The following NEBL variants were observed in gnomAD, a reference collection of about 807,000 sequenced individuals.
NEBL encodes the protein LIM and SH3 protein 2.
NEBL carries 122 observed loss-of-function variants against 140.2 expected under a neutral mutation model. The observed-to-expected ratio is 0.87, with a 90% confidence interval of 0.75 to 1.01. The LOEUF is 1.01. Ranked by LOEUF, NEBL falls within the 50% of genes least tolerant of loss-of-function variation. The pLI, the probability that NEBL is intolerant of heterozygous loss-of-function variation, is 0.00. For missense variants in NEBL, 1,365 were observed against 1,231.3 expected, an observed-to-expected ratio of 1.11 and a Z score of -1.62; for synonymous variants, 436 against 398.9, an observed-to-expected ratio of 1.09 and a Z score of -1.11.
At chr10:21,168,717 C>T (rs533698314) in intron 2 of NEBL, among the ~76,000 whole-genome samples, 5 of 152,016 alleles carry the variant, frequency 3.3e-5, no homozygotes, top group East Asian at 3.9e-4. Context: ...TGAAATGTCA[C>T]GATGTATGAA....
At chr10:20,915,084 T>A (rs953445213) in intron 4 of NEBL, among the ~76,000 whole-genome samples, 18 of 150,090 alleles carry the variant, frequency 1.2e-4, no homozygotes, top group African/African-American at 4.4e-4. Context: ...ATTACAGACA[T>A]AAGCCACCAT....
At chr10:21,263,570 G>T (rs949174399) in intron 1 of NEBL, among the ~76,000 whole-genome samples, 4 of 152,198 alleles carry the variant, frequency 2.6e-5, no homozygotes, top group Non-Finnish European at 5.9e-5. Flanking sequence ...CTCCCCGGGG[G>T]TTAGTTTTGG....
At chr10:21,163,392 T>G (rs138867670) in intron 2 of NEBL, among the ~76,000 whole-genome samples, 1 of 152,288 alleles carries the variant, frequency 6.6e-6, no homozygotes, top group East Asian at 1.9e-4. Context: ...CCATCAAAAA[T>G]ACATCTACTT....
intron 2 of NEBL, among the ~76,000 whole-genome samples, chr10:21,097,245 G>A (rs1837236005): frequency 6.7e-6 from 1 of 149,006 alleles, no homozygotes; most frequent in South Asian, 2.1e-4. Flanking sequence ...CAGATCACAA[G>A]GTCAGGGGTT....
At chr10:20,804,027 A>T (rs1327796806) in intron 26 of NEBL, among the ~76,000 whole-genome samples, 1 of 151,878 alleles carries the variant, frequency 6.6e-6, no homozygotes, top group Non-Finnish European at 1.5e-5. Flanking sequence ...TAAAATATTC[A>T]TTTGGCCATT....
chr10:20,928,642 T>C (rs1834027273), intron 4 of NEBL, among the ~76,000 whole-genome samples: 1 of 152,212 alleles, frequency 6.6e-6, no homozygotes, highest in Non-Finnish European at 1.5e-5. Context: ...TCTGATCCAA[T>C]GGAAGGAAAT....
intron 2 of NEBL, among the ~76,000 whole-genome samples, chr10:21,094,861 C>T (rs1157152288): frequency 2.0e-5 from 3 of 152,110 alleles, no homozygotes; most frequent in Admixed American, 1.3e-4. Flanking sequence ...ATGGCAGTAT[C>T]GTAGGAGAGA....
At chr10:21,179,097 T>C (rs947137197), upstream of NEBL, among the ~76,000 whole-genome samples, 35 of 152,162 alleles carry the variant, frequency 2.3e-4, no homozygotes, top group Non-Finnish European at 2.4e-4. Context: ...GGCCTCCTAA[T>C]GAAACTGTCC....
In NEBL at chr10:20,840,770, C is replaced by G. The variant is rs1477559434; in HGVS notation, c.1307G>C (p.Arg436Thr). The G allele has an allele frequency of 2.5e-6, 4 of 1,611,802 alleles. No individual in the cohort carries two copies. Among genetic ancestry groups the G allele is most frequent in the Non-Finnish European group, 2.5e-6 (3 of 1,178,376 alleles). ...TGCCATTTCAGAGGCTCGCTTTGCT[C>G]TTTGGATATCAAGAACTTCTGAATT... Reference protein sequence around the residue: ...ELNSEVLDIQRAKRASEMASE... With the variant: ...ELNSEVLDIQTAKRASEMASE... Residue 436 changes from arginine (R) to threonine (T), a missense_variant, in exon 13 of 28, where the codon AGA becomes ACA. Physicochemically the swap from Arg to Thr is moderately conservative, Grantham distance 71. Transcript: ENST00000377122.
At chr10:20,888,418 G>A (rs1846725195) in intron 3 of NEBL, among the ~76,000 whole-genome samples, 1 of 152,194 alleles carries the variant, frequency 6.6e-6, no homozygotes, top group Admixed American at 6.5e-5. Flanking sequence ...CGCTTTCAAT[G>A]AGACATGCAA....
chr10:21,061,103 C>T (rs1282020075), intron 2 of NEBL, among the ~76,000 whole-genome samples: 1 of 151,844 alleles, frequency 6.6e-6, no homozygotes, highest in African/African-American at 2.4e-5. Flanking sequence ...TAATCCAATA[C>T]AACTGGTGTC....
At chr10:20,852,452 T>TC in intron 10 of NEBL, 93 bp downstream of exon 10, 1 of 814,356 alleles carries the variant, frequency 1.2e-6, no homozygotes, top group East Asian at 2.4e-5. Flanking sequence ...AACTGTACTT[T>TC]CTCAGTTAAG....
intron 4 of NEBL, among the ~76,000 whole-genome samples, chr10:20,919,661 C>T (rs1447789528): frequency 6.6e-6 from 1 of 152,142 alleles, no homozygotes; most frequent in Non-Finnish European, 1.5e-5. Context: ...ATCCATTTCT[C>T]ATGCCTCACA....
chr10:21,176,116 T>A (rs1429657515), upstream of NEBL, among the ~76,000 whole-genome samples: 6 of 152,040 alleles, frequency 3.9e-5, no homozygotes, highest in Non-Finnish European at 7.4e-5. Context: ...GATCCTCCCG[T>A]CTCAGTCTCC....
upstream of NEBL, among the ~76,000 whole-genome samples, chr10:21,179,064 G>A (rs1040939864): frequency 2.0e-5 from 3 of 152,202 alleles, no homozygotes; most frequent in African/African-American, 7.2e-5. Flanking sequence ...GATTATCCAG[G>A]AGGATCCAGT....
intron 1 of NEBL, among the ~76,000 whole-genome samples, chr10:21,266,113 A>AT (rs199666545): frequency 0.031 from 4,631 of 149,504 alleles, 73 homozygotes; most frequent in Middle Eastern, 0.062. Context: ...AGGTATGCTG[A>AT]TTTTTTTTTT....
intron 3 of NEBL, among the ~76,000 whole-genome samples, chr10:20,964,451 T>C (rs1836195449): frequency 6.6e-6 from 1 of 152,064 alleles, no homozygotes; most frequent in African/African-American, 2.4e-5. Context: ...CCAATCATGA[T>C]GGAAGGTGAA....
At chr10:20,840,983 T>C in intron 12 of NEBL, 134 bp from the exon 13 acceptor site, 1 of 653,564 alleles carries the variant, frequency 1.5e-6, no homozygotes, top group Non-Finnish European at 2.7e-6. Flanking sequence ...AGCTAAGTAT[T>C]CATGCTTTTT....
chr10:20,799,153 A>G (rs149035468), intron 26 of NEBL, among the ~76,000 whole-genome samples: 2 of 152,250 alleles, frequency 1.3e-5, no homozygotes, highest in Non-Finnish European at 2.9e-5. Flanking sequence ...TTCATCGCAG[A>G]AATTTATTTA....
Sources: allele counts gnomAD v4.1 joint callset (sites outside exome capture counted in the v4.1 genomes callset), GRCh38; gene constraint gnomAD v4.1.1; transcripts MANE v1.5; gene names NCBI Gene and HGNC (gene_info 2026-07-23, HGNC 2026-07-21).